The following DRC11 variants were observed in gnomAD, a reference collection of about 807,000 sequenced individuals.
DRC11 encodes IQ and AAA domain-containing protein 1.
At chr2:236,503,766 G>A in the DRC11 span, 16 of 1,416,904 alleles carry the variant, frequency 1.1e-5, no homozygotes, top group East Asian at 2.5e-5. The surrounding 1 kb of genome is among the most constrained non-coding windows in gnomAD (Gnocchi z 4.9). Flanking sequence ...ACACTGGACC[G>A]CCAGGGACCT....
the DRC11 span, among the ~76,000 whole-genome samples, chr2:236,326,792 T>TGTG: frequency 2.1e-5 from 3 of 144,084 alleles, no homozygotes; most frequent in African/African-American, 7.7e-5. Context: ...TTCAGATTTG[T>TGTG]TGTGTGTGTG....
At chr2:236,329,149 C>T in the DRC11 span, among the ~76,000 whole-genome samples, 2 of 152,372 alleles carry the variant, frequency 1.3e-5, no homozygotes, top group South Asian at 4.1e-4. Context: ...CCAACTCCCT[C>T]TTCGGCTTTT....
chr2:236,327,917 G>A, the DRC11 span, among the ~76,000 whole-genome samples: 5 of 152,134 alleles, frequency 3.3e-5, no homozygotes, highest in African/African-American at 9.7e-5. Context: ...TCCGACCTCA[G>A]GTGATCTGCC....
the DRC11 span, among the ~76,000 whole-genome samples, chr2:236,357,944 AATAT>A: frequency 8.8e-6 from 1 of 114,120 alleles, no homozygotes; most frequent in Non-Finnish European, 1.6e-5. Flanking sequence ...ATGAATATAT[AATAT>A]ATAAATATAT....
chr2:236,334,278 G>A, the DRC11 span, among the ~76,000 whole-genome samples: 1 of 152,192 alleles, frequency 6.6e-6, no homozygotes, highest in Non-Finnish European at 1.5e-5. The surrounding 1 kb of genome is among the most constrained non-coding windows in gnomAD (Gnocchi z 7.8). Flanking sequence ...TTAAATAGCT[G>A]CTGTAGGGCC....
chr2:236,410,656 C>T, the DRC11 span, among the ~76,000 whole-genome samples: 2 of 150,664 alleles, frequency 1.3e-5, no homozygotes, highest in African/African-American at 5.0e-5. Context: ...CACTACAAGG[C>T]TACAGTAACC....
the DRC11 span, among the ~76,000 whole-genome samples, chr2:236,396,364 A>AT: frequency 1.0e-3 from 153 of 151,496 alleles, no homozygotes; most frequent in Middle Eastern, 3.4e-3. Flanking sequence ...AAAACCTTTG[A>AT]TTTTTAAGAA....
the DRC11 span, among the ~76,000 whole-genome samples, chr2:236,453,631 A>G: frequency 6.6e-6 from 1 of 152,050 alleles, no homozygotes; most frequent in Non-Finnish European, 1.5e-5. The surrounding 1 kb of genome is among the most constrained non-coding windows in gnomAD (Gnocchi z 4.9). Flanking sequence ...TTCCCAGGAT[A>G]GCACCAATTT....
At chr2:236,312,429 A>C in the DRC11 span, among the ~76,000 whole-genome samples, 1 of 152,226 alleles carries the variant, frequency 6.6e-6, no homozygotes, top group Non-Finnish European at 1.5e-5. Context: ...GAAAATAAGC[A>C]TTCCTATAAC....
At chr2:236,333,441 G>T in the DRC11 span, 2 of 153,332 alleles carry the variant, frequency 1.3e-5, no homozygotes, top group Non-Finnish European at 2.9e-5. This position sits in a 1 kb window ranked among gnomAD's most constrained non-coding sequence, Gnocchi z 6.0. Flanking sequence ...TTGAGATCTG[G>T]TGTGTCTTCC....
chr2:236,392,368 A>G, the DRC11 span: 1 of 1,286,782 alleles, frequency 7.8e-7, no homozygotes. This position sits in a 1 kb window ranked among gnomAD's most constrained non-coding sequence, Gnocchi z 5.1. Context: ...CCAGAAGGGT[A>G]AAGAAAAAGA....
At chr2:236,382,826 T>C in the DRC11 span, among the ~76,000 whole-genome samples, 5 of 152,210 alleles carry the variant, frequency 3.3e-5, no homozygotes, top group Admixed American at 2.0e-4. Context: ...ATTTGGAGTT[T>C]GTAGATTCCT....
At chr2:236,335,589 GAAC>G in the DRC11 span, among the ~76,000 whole-genome samples, 1 of 152,294 alleles carries the variant, frequency 6.6e-6, no homozygotes, top group South Asian at 2.1e-4. This position sits in a 1 kb window ranked among gnomAD's most constrained non-coding sequence, Gnocchi z 5.6. Flanking sequence ...TTTATCAAAA[GAAC>G]AAAATTGCTG....
the DRC11 span, among the ~76,000 whole-genome samples, chr2:236,318,215 G>A: frequency 1.4e-5 from 2 of 143,172 alleles, no homozygotes; most frequent in African/African-American, 2.6e-5. This position sits in a 1 kb window ranked among gnomAD's most constrained non-coding sequence, Gnocchi z 7.0. Context: ...TGACTCCCAC[G>A]GGGAGCAGGA....
chr2:236,444,072 G>A, the DRC11 span, among the ~76,000 whole-genome samples: 2 of 146,940 alleles, frequency 1.4e-5, no homozygotes, highest in Non-Finnish European at 3.0e-5. Context: ...TAAGTTCCTT[G>A]TAGACTCTGG....
At chr2:236,316,819 G>A in the DRC11 span, among the ~76,000 whole-genome samples, 284 of 152,340 alleles carry the variant, frequency 1.9e-3, no homozygotes, top group African/African-American at 6.4e-3. This position sits in a 1 kb window ranked among gnomAD's most constrained non-coding sequence, Gnocchi z 6.8. Flanking sequence ...GCTGGTGGCA[G>A]GGAAATTGGA....
chr2:236,465,076 G>A, the DRC11 span, among the ~76,000 whole-genome samples: 3 of 152,206 alleles, frequency 2.0e-5, no homozygotes, highest in South Asian at 6.2e-4. This position sits in a 1 kb window ranked among gnomAD's most constrained non-coding sequence, Gnocchi z 6.2. Flanking sequence ...ATCATTCAAG[G>A]AGACCTGGTG....
At chr2:236,352,403 A>C in the DRC11 span, among the ~76,000 whole-genome samples, 1 of 152,026 alleles carries the variant, frequency 6.6e-6, no homozygotes, top group Admixed American at 6.5e-5. This position sits in a 1 kb window ranked among gnomAD's most constrained non-coding sequence, Gnocchi z 7.0. Flanking sequence ...TGGGCTAGGG[A>C]CAGAAGGCAG....
chr2:236,347,508 C>CTATATATATATATA, the DRC11 span, among the ~76,000 whole-genome samples: 63 of 107,536 alleles, frequency 5.9e-4, 2 homozygotes, highest in East Asian at 3.8e-3. Context: ...AAAAACTGTG[C>CTATATATATATATA]TATATATATA....
Sources: gnomAD v4.1 joint callset for allele counts (sites outside exome capture counted in the v4.1 genomes callset) on GRCh38, gnomAD v4.1.1 for gene constraint, Gnocchi (gnomAD v3.1) non-coding constraint, MANE v1.5 for transcripts, NCBI Gene and HGNC (gene_info 2026-07-23, HGNC 2026-07-21) for gene names.